The following ZAN variants were observed in gnomAD, a reference collection of about 807,000 sequenced individuals.
The protein encoded by ZAN is zonadhesin.
In ZAN, 260 loss-of-function variants were observed where a neutral mutation model predicts 286.2. The ratio of observed to expected loss-of-function variants is 0.91; its 90% confidence interval spans 0.82 to 1.01. The LOEUF (loss-of-function observed/expected upper bound fraction) is 1.01, where lower values mean the gene tolerates loss of function less well. Ranked by LOEUF, ZAN falls within the 50% of genes least tolerant of loss-of-function variation. The probability of loss-of-function intolerance (pLI) is 0.00; values close to 1 mark genes in which losing one functional copy is unlikely to be tolerated. For synonymous variants in ZAN, 1,368 were observed against 1,417.5 expected, an observed-to-expected ratio of 0.97 and a Z score of 0.79; for missense variants, 3,410 against 3,639.2, an observed-to-expected ratio of 0.94 and a Z score of 1.62.
At chr7:100,766,701 G>T (rs752795915) in intron 24 of ZAN, 35 bp downstream of exon 24, 4 of 1,548,960 alleles carry the variant, frequency 2.6e-6, no homozygotes, top group Non-Finnish European at 3.5e-6. Context: ...GCTGGGGGCT[G>T]CCCAGGCAAC....
rs552409516 is a variant in ZAN, at chr7:100,785,868, G to A, written c.6835-129G>A. 34 of 1,207,220 alleles carry A rather than the reference G, an allele frequency of 2.8e-5. 1 individual carries two copies. The South Asian group carries it at 4.3e-4, about 15-fold the overall frequency. The allele number at this position is 1,207,220 out of a possible 1,614,324, so 74.8% of individuals were successfully genotyped here. A position where few individuals can be genotyped will look rare whatever the true frequency, so the allele number is the denominator to read the frequency against. ...GAGACAGGGTTTCACCATGTTGGCT[G>A]GGCTCGTCACAAACTCCTGACCTCA... On this transcript the variant is annotated intron_variant, in intron 36 of 47. Coordinates refer to ENST00000613979, the MANE Select transcript of ZAN (RefSeq NM_003386.3).
intron 42 of ZAN, among the ~76,000 whole-genome samples, chr7:100,793,321 C>T (rs1055558053): frequency 3.3e-5 from 5 of 151,316 alleles, no homozygotes; most frequent in Admixed American, 1.3e-4. Context: ...CCAGCCTGGG[C>T]AACAGAGTGA....
intron 34 of ZAN, among the ~76,000 whole-genome samples, chr7:100,779,128 G>C (rs1408881998): frequency 6.6e-6 from 1 of 151,796 alleles, no homozygotes. Context: ...GCTTGAACCC[G>C]GGAGGCGGAG....
chr7:100,765,170 G>T (rs958647438), intron 22 of ZAN, among the ~76,000 whole-genome samples, 182 bp from the exon 23 acceptor site: 2 of 152,180 alleles, frequency 1.3e-5, no homozygotes, highest in Non-Finnish European at 2.9e-5. Flanking sequence ...GCGCCTTAGT[G>T]CTGGCCCTGC....
rs746588177 is a variant in ZAN at position 100,786,110 on chromosome 7, C to T, written c.6948C>T (p.Ser2316=). The T allele has an allele frequency of 9.3e-6, 15 of 1,613,964 alleles. No individual in the cohort carries two copies. The African/African-American group carries it at 9.3e-5, about 10-fold the overall frequency. Reference sequence around the variant, plus strand: ...CTGGGTCCCACTGCCAGCTCACTTCCGACAACAGCAACAGCAATTGTGTCT... The same window carrying T: ...CTGGGTCCCACTGCCAGCTCACTTCTGACAACAGCAACAGCAATTGTGTCT... ...CPSGSHCQLT[S]DNSNSNCVSD... is the part of the protein sequence containing the mutation. Residue 2316 remains serine, a synonymous_variant, in exon 37 of 48, where the codon TCC becomes TCT. Transcript: ENST00000613979.
intron 29 of ZAN, among the ~76,000 whole-genome samples, chr7:100,772,904 C>T (rs1419984334): frequency 1.5e-5 from 2 of 133,974 alleles, no homozygotes; most frequent in South Asian, 2.4e-4. Flanking sequence ...TTGAGAGTCT[C>T]GCTGTCGCCC....
chr7:100,782,371 TG>T (rs1301738056), intron 35 of ZAN, among the ~76,000 whole-genome samples: 1 of 152,168 alleles, frequency 6.6e-6, no homozygotes, highest in African/African-American at 2.4e-5. Flanking sequence ...TCTCACTCTG[TG>T]GCCCAGGCTG....
rs748197914 is a variant in ZAN at position 100,779,564 on chromosome 7, CGG to C, written c.6438_6439del (p.Ala2147SerfsTer25). 1.2e-6 allele frequency: 2 copies of C among 1,610,510 alleles called. No individual in the cohort carries two copies. Among genetic ancestry groups the C allele is most frequent in the African/African-American group, 2.7e-5 (2 of 74,894 alleles). ...RAREKCEAAL[R>X]APVWAQCASR... ...GCGGGAAAAGTGCGAGGCAGCGCTC[CGG>C]GCTCCTGTGTGGGCCCAGTGCGCCT... On this transcript the variant is annotated frameshift_variant, in exon 35 of 48. Coordinates refer to ENST00000613979, the MANE Select transcript of ZAN (RefSeq NM_003386.3). LOFTEE classifies it high-confidence loss of function.
chr7:100,792,775 T>TC (rs1812074400), intron 42 of ZAN, among the ~76,000 whole-genome samples: 1 of 151,724 alleles, frequency 6.6e-6, no homozygotes, highest in Non-Finnish European at 1.5e-5. Context: ...CCTGCCAAGG[T>TC]CCACCTTCGC....
In ZAN at chr7:100,748,366, T is replaced by A; in HGVS notation, c.1145T>A (p.Phe382Tyr). ...QCDFEDNAHP[F>Y]CDWVQTSGDG... ...GACTTTGAAGACAACGCCCATCCCT[T>A]CTGTGACTGGGTCCAGACTTCCGGG... is the stretch of plus-strand genomic sequence containing the variant. Residue 382 changes from phenylalanine to tyrosine, a missense_variant, in exon 11 of 48, where the codon TTC becomes TAC. Phe to Tyr is a conservative substitution (Grantham distance 22). Transcript: ENST00000613979. 6.2e-7 allele frequency: 1 copy of A among 1,614,016 alleles called. No individual in the cohort carries two copies. The highest frequency in any genetic ancestry group is 8.5e-7 in the Non-Finnish European group (1 of 1,179,898).
At chr7:100,743,057 TG>T (rs1807927309) in intron 7 of ZAN, among the ~76,000 whole-genome samples, 1 of 137,252 alleles carries the variant, frequency 7.3e-6, no homozygotes, top group Non-Finnish European at 1.6e-5. Context: ...GACAGAATCT[TG>T]CTGTTGCCAG....
chr7:100,783,812 A>G (rs1441843271), intron 35 of ZAN, among the ~76,000 whole-genome samples: 2 of 56,128 alleles, frequency 3.6e-5, no homozygotes, highest in East Asian at 1.4e-3. Flanking sequence ...ACACATATAT[A>G]TATACATATA....
intron 22 of ZAN, 49 bp downstream of exon 22, chr7:100,764,245 C>CTA: frequency 6.9e-7 from 1 of 1,457,722 alleles, no homozygotes; most frequent in South Asian, 1.4e-5. Context: ...TGGCTCACAC[C>CTA]TATAATCCCA....
chr7:100,776,629 G>GCCTTCCCTTC (rs1298143972), intron 34 of ZAN, 65 bp downstream of exon 34: 2 of 1,281,586 alleles, frequency 1.6e-6, no homozygotes, highest in African/African-American at 3.4e-5. Flanking sequence ...CTTTCTTTCT[G>GCCTTCCCTTC]CCTTCCCTTC....
At chr7:100,790,887 A>AAAAG in intron 39 of ZAN, 55 bp from the exon 40 acceptor site, 1 of 1,455,690 alleles carries the variant, frequency 6.9e-7, no homozygotes, top group East Asian at 2.5e-5. Context: ...TCTAAAAAAA[A>AAAAG]AAAAAAAAAA....
Position 100,769,901 on chromosome 7 carries a change from GC to G in ZAN, c.5178del (p.Ser1727ProfsTer19). ...TTAGCTGTTTCCTTGTGGGTGGCAA[GC>G]CCTCCAGCTGCCAGGAGAACAGCAT... ...EPGCFLVGGK[P>X]SSCQENSMAD... On this transcript the variant is annotated frameshift_variant, in exon 28 of 48. Coordinates refer to ENST00000613979, the MANE Select transcript of ZAN (RefSeq NM_003386.3). LOFTEE classifies it high-confidence loss of function. The G allele has an allele frequency of 6.4e-7, 1 of 1,560,248 alleles. No individual in the cohort carries two copies. The highest frequency in any genetic ancestry group is 8.7e-7 in the Non-Finnish European group (1 of 1,151,616).
rs749557666 is a variant in ZAN, at chr7:100,750,632, C to T, written c.1257C>T (p.His419=). The change falls in exon 12 of 48, where the codon CAC becomes CAT. Residue 419 remains histidine, a synonymous_variant. Coordinates refer to ENST00000613979, the MANE Select transcript of ZAN (RefSeq NM_003386.3). ...TTCCCTTCCTTTGCCTAGGGGGTCA[C>T]TATATCTACCTTGAGGCTGACGAGT... is the stretch of plus-strand genomic sequence containing the variant. ...PAGGFPNAGG[H]YIYLEADEFS... 7.4e-6 allele frequency: 12 copies of T among 1,613,094 alleles called. No individual in the cohort carries two copies. The South Asian group carries it at 1.2e-4, about 16-fold the overall frequency.
chr7:100,781,425 G>A (rs963631889), intron 35 of ZAN, among the ~76,000 whole-genome samples: 1 of 152,048 alleles, frequency 6.6e-6, no homozygotes, highest in Non-Finnish European at 1.5e-5. Flanking sequence ...AGAGGTGCAG[G>A]GGGTGCTGCA....
At chr7:100,772,049 C>A (rs1330373380) in intron 29 of ZAN, 29 bp downstream of exon 29, 1 of 1,546,316 alleles carries the variant, frequency 6.5e-7, no homozygotes. Flanking sequence ...GTTCCCACAG[C>A]CCATAGGCAC....
Sources: gnomAD v4.1 joint callset for allele counts (sites outside exome capture counted in the v4.1 genomes callset) on GRCh38, gnomAD v4.1.1 for gene constraint, MANE v1.5 for transcripts, NCBI Gene and HGNC (gene_info 2026-07-23, HGNC 2026-07-21) for gene names.